MYOM1: variants seen among roughly 807,000 people sequenced by gnomAD.
The protein encoded by MYOM1 is myomesin-1.
In MYOM1, 164 loss-of-function variants were observed where a neutral mutation model predicts 205.3. The ratio of observed to expected loss-of-function variants is 0.80; its 90% CI spans 0.70 to 0.91. The LOEUF is 0.91. Among genes scored for constraint, MYOM1 ranks in the 40% least tolerant of loss-of-function variants. The pLI, the probability that MYOM1 is intolerant of heterozygous loss-of-function variation, is 0.00. For synonymous variants in MYOM1, 772 were observed against 789.4 expected (o/e 0.98, Z 0.37); for missense variants, 2,011 against 2,127.3 (o/e 0.95, Z 1.08).
At chr18:3,184,022 C>T (rs1210188936) in intron 5 of MYOM1, among the ~76,000 whole-genome samples, 1 of 152,034 alleles carries the variant, frequency 6.6e-6, no homozygotes, top group Non-Finnish European at 1.5e-5. Flanking sequence ...TCTTGTGCCT[C>T]AGCCTCCCGA....
chr18:3,223,396 G>C (rs544141641), upstream of MYOM1, among the ~76,000 whole-genome samples: 1 of 152,280 alleles, frequency 6.6e-6, no homozygotes, highest in South Asian at 2.1e-4. Flanking sequence ...AAATTGTTCA[G>C]TGAGCTCTTT....
At chr18:3,191,167 A>C (rs993025336) in intron 3 of MYOM1, among the ~76,000 whole-genome samples, 1 of 152,190 alleles carries the variant, frequency 6.6e-6, no homozygotes, top group Non-Finnish European at 1.5e-5. Context: ...AGTAAAAATA[A>C]ATTTAAAATC....
rs1259805986 is a variant in MYOM1, at chr18:3,154,650, C to CACATACACAT, written c.1643+296_1643+297insATGTGTATGT. 4.5e-4 allele frequency among the ~76,000 whole-genome samples: 67 copies of CACATACACAT among 148,950 alleles called. No homozygotes were observed. In the Middle Eastern group the frequency reaches 0.01, roughly 23 times the overall value. ...ACACACACACACACACACACACACA[C>CACATACACAT]ATTTATAATGGGTATATATACCCAT... is the stretch of plus-strand genomic sequence containing the variant. On this transcript the variant is annotated intron_variant, in intron 11 of 37. Transcript: ENST00000356443.
chr18:3,150,053 G>A (rs1318434799), intron 12 of MYOM1, among the ~76,000 whole-genome samples: 1 of 152,026 alleles, frequency 6.6e-6, no homozygotes, highest in Non-Finnish European at 1.5e-5. Context: ...CGGGGAAATG[G>A]TAACATTATT....
intron 10 of MYOM1, among the ~76,000 whole-genome samples, chr18:3,155,473 C>T (rs1320607747): frequency 2.6e-5 from 4 of 152,210 alleles, no homozygotes; most frequent in Non-Finnish European, 4.4e-5. Context: ...ATCCGCCCGC[C>T]TCGGCCTCCC....
intron 36 of MYOM1, among the ~76,000 whole-genome samples, chr18:3,072,966 T>C (rs1003862909): frequency 1.4e-5 from 2 of 145,516 alleles, no homozygotes; most frequent in Non-Finnish European, 3.0e-5. Context: ...CTCATGCAGA[T>C]GTAAGCATTT....
In MYOM1 at chr18:3,152,426, T is replaced by G. The variant is rs2080235187; in HGVS notation, c.1644-533A>C. Among the ~76,000 whole-genome samples, 1 of 152,204 alleles carries G rather than the reference T, an allele frequency of 6.6e-6. No individual in the cohort carries two copies. The highest frequency in any genetic ancestry group is 1.5e-5 in the Non-Finnish European group (1 of 68,036). ...CCTGTGTAGAGGGTAAGAAGGTTAT[T>G]GTGAAGATGTTTGTTTCTTTAACAG... On this transcript the variant is annotated intron_variant, in intron 11 of 37. Transcript: ENST00000356443. The surrounding 1 kb of genome is among the most constrained non-coding windows in gnomAD (Gnocchi z 4.3).
intron 2 of MYOM1, 150 bp downstream of exon 2, chr18:3,214,784 C>G (rs1173264063): frequency 4.8e-6 from 4 of 837,886 alleles, no homozygotes; most frequent in Non-Finnish European, 5.4e-6. Flanking sequence ...CGAGATCACG[C>G]CATTGCACTC....
chr18:3,120,038 TG>T (rs1303408313), intron 19 of MYOM1, 43 bp from the exon 20 acceptor site: 3 of 1,529,110 alleles, frequency 2.0e-6, no homozygotes, highest in East Asian at 2.4e-5. Context: ...GTTCCAGGTT[TG>T]TTTTTTTTTT....
intron 2 of MYOM1, among the ~76,000 whole-genome samples, chr18:3,200,644 A>G (rs2081053818): frequency 6.6e-6 from 1 of 152,200 alleles, no homozygotes; most frequent in Non-Finnish European, 1.5e-5. Flanking sequence ...AAGGGAAGAA[A>G]TAATCAATAA....
In MYOM1 at chr18:3,075,738, A is replaced by G. The variant is rs187108957; in HGVS notation, c.4672T>C (p.Phe1558Leu). ...GQAYDEAYAEFQRLKQAAIAE... is the reference protein window; with the variant it reads ...GQAYDEAYAELQRLKQAAIAE... Reference sequence around the variant, plus strand: ...CCAGGGACTTACTTCAACCTCTGGAATTCAGCATAGGCCTCATCGTATGCT... The same window carrying G: ...CCAGGGACTTACTTCAACCTCTGGAGTTCAGCATAGGCCTCATCGTATGCT... Residue 1558 changes from phenylalanine to leucine, a missense_variant, in exon 35 of 38, where the codon TTC becomes CTC. Phe to Leu is a conservative substitution (Grantham distance 22). Transcript: ENST00000356443. 110 of 1,600,032 alleles carry G rather than the reference A, an allele frequency of 6.9e-5. No individual in the cohort carries two copies. In the East Asian group the frequency reaches 2.2e-3, roughly 32 times the overall value.
At chr18:3,244,370 T>C in the MYOM1 span, among the ~76,000 whole-genome samples, 3 of 152,112 alleles carry the variant, frequency 2.0e-5, no homozygotes, top group African/African-American at 7.2e-5. Flanking sequence ...CCTGCCAAAT[T>C]CATATGTTGA....
intron 14 of MYOM1, among the ~76,000 whole-genome samples, chr18:3,136,030 G>A (rs777955897): frequency 3.9e-5 from 6 of 152,154 alleles, no homozygotes; most frequent in Non-Finnish European, 8.8e-5. Context: ...AATCATGGGG[G>A]CGGTTTCCCC....
At chr18:3,243,190 GT>G in the MYOM1 span, among the ~76,000 whole-genome samples, 2 of 152,018 alleles carry the variant, frequency 1.3e-5, no homozygotes, top group Non-Finnish European at 1.5e-5. Context: ...ACAGATTTAT[GT>G]AAACGCTTAT....
At chr18:3,140,386 A>G (rs960545533) in intron 14 of MYOM1, among the ~76,000 whole-genome samples, 12 of 151,514 alleles carry the variant, frequency 7.9e-5, no homozygotes, top group African/African-American at 2.7e-4. Flanking sequence ...CAGCCTGGGC[A>G]ACAGAGTGAG....
chr18:3,197,933 G>A (rs1047844116), intron 2 of MYOM1, among the ~76,000 whole-genome samples: 1 of 152,136 alleles, frequency 6.6e-6, no homozygotes, highest in Non-Finnish European at 1.5e-5. Flanking sequence ...CCAATGGCTT[G>A]CCTTTGTGGA....
At position 3,215,158 on chromosome 18, in the gene MYOM1, C is replaced by CCTTGTTGCGG; in HGVS notation, c.65_66insCCGCAACAAG (p.Ser24AsnfsTer61). On this transcript the variant is annotated frameshift_variant, in exon 2 of 38. Coordinates refer to ENST00000356443, the MANE Select transcript of MYOM1 (RefSeq NM_003803.4). LOFTEE classifies it high-confidence loss of function. Reference sequence around the variant, plus strand: ...GCTGGTAGTGACTCACGGTGCTGCGCACGTCCTTGTTGCGGTAGCTGAGAT... The same window carrying CCTTGTTGCGG: ...GCTGGTAGTGACTCACGGTGCTGCGCCTTGTTGCGGACGTCCTTGTTGCGGTAGCTGAGAT... The CCTTGTTGCGG allele has an allele frequency of 3.1e-6, 5 of 1,613,500 alleles. No individual in the cohort carries two copies. Among genetic ancestry groups the CCTTGTTGCGG allele is most frequent in the South Asian group, 1.1e-5 (1 of 90,978 alleles).
intron 22 of MYOM1, among the ~76,000 whole-genome samples, chr18:3,110,732 T>C (rs75497239): frequency 2.9e-5 from 1 of 34,452 alleles, no homozygotes; most frequent in South Asian, 1.1e-3. Flanking sequence ...TAAGAGATTC[T>C]TTTTTTTCTT....
chr18:3,085,546 G>C (rs1299192504), intron 30 of MYOM1, among the ~76,000 whole-genome samples: 1 of 152,088 alleles, frequency 6.6e-6, no homozygotes, highest in African/African-American at 2.4e-5. Flanking sequence ...TGACCAGCGA[G>C]CTAGCAGTCC....
Sources: gnomAD v4.1 joint callset for allele counts (sites outside exome capture counted in the v4.1 genomes callset) on GRCh38, gnomAD v4.1.1 for gene constraint, Gnocchi (gnomAD v3.1) non-coding constraint, MANE v1.5 for transcripts, NCBI Gene and HGNC (gene_info 2026-07-23, HGNC 2026-07-21) for gene names.